The following HPF1 variants were observed in gnomAD, a reference collection of about 807,000 sequenced individuals.
The protein encoded by HPF1 is UPF0609 protein C4orf27.
A neutral mutation model predicts 38.8 loss-of-function variants in HPF1; 35 were observed. The ratio of observed to expected loss-of-function variants is 0.90; its 90% CI spans 0.69 to 1.19. HPF1 has a LOEUF of 1.19. Ranked by LOEUF, HPF1 falls within the 50% of genes most tolerant of loss-of-function variation. The pLI is 0.00. For synonymous variants in HPF1, 115 were observed against 139.2 expected, an observed-to-expected ratio of 0.83 and a Z score of 1.22; for missense variants, 367 against 405.8, an observed-to-expected ratio of 0.90 and a Z score of 0.82.
intron 4 of HPF1, among the ~76,000 whole-genome samples, chr4:169,748,349 A>G (rs1734074534): frequency 6.6e-6 from 1 of 151,904 alleles, no homozygotes; most frequent in Non-Finnish European, 1.5e-5. Context: ...GAAATCTACA[A>G]TTATGGGCTT....
At chr4:169,742,455 C>A (rs1472559482) in intron 4 of HPF1, among the ~76,000 whole-genome samples, 1 of 151,920 alleles carries the variant, frequency 6.6e-6, no homozygotes, top group Non-Finnish European at 1.5e-5. Flanking sequence ...AGAAGTCTGA[C>A]CTAACAGAAA....
intron 1 of HPF1, among the ~76,000 whole-genome samples, chr4:169,754,944 G>A (rs35218368): frequency 0.029 from 4,368 of 151,892 alleles, 89 homozygotes; most frequent in South Asian, 0.044. Context: ...TATACTTTAA[G>A]TTTTAGGGTA....
chr4:169,745,530 C>T (rs1030489576), intron 4 of HPF1, among the ~76,000 whole-genome samples: 5 of 152,326 alleles, frequency 3.3e-5, no homozygotes, highest in Middle Eastern at 3.4e-3. Flanking sequence ...TCTCAAAATT[C>T]AATCATACAA....
At position 169,737,758 on chromosome 4, in the gene HPF1, G is replaced by A; in HGVS notation, c.649-11C>T. 1 of 1,563,778 alleles carries A rather than the reference G, an allele frequency of 6.4e-7. No individual in the cohort carries two copies. Among genetic ancestry groups the A allele is most frequent in the South Asian group, 1.1e-5 (1 of 89,564 alleles). On this transcript the variant is annotated splice_polypyrimidine_tract_variant and intron_variant, in intron 5 of 7. Transcript: ENST00000393381. ...GGTCTTTGTCACAACCTACATTAAA[G>A]AAAAGAATAAAATGTAATCATGGTA...
Position 169,753,758 on chromosome 4 carries a change from T to C in HPF1, c.126A>G (p.Glu42=), listed in dbSNP as rs553719189. 4 of 1,613,632 alleles carry C rather than the reference T, an allele frequency of 2.5e-6. No individual in the cohort carries two copies. The East Asian group carries it at 6.7e-5, about 27-fold the overall frequency. The change falls in exon 2 of 8, where the codon GAA becomes GAG. Residue 42 remains glutamate, a synonymous_variant. Transcript: ENST00000393381. The stretch of plus-strand genomic sequence containing the variant: ...CAGGTAAAGAAAGCTTATAATGATT[T>C]TCTACTTCTTTTCGAAGGTCACTGG... ...DVSSDLRKEV[E]NHYKLSLPED...
intron 6 of HPF1, among the ~76,000 whole-genome samples, chr4:169,736,215 C>T (rs1023893220): frequency 1.6e-4 from 24 of 151,652 alleles, no homozygotes; most frequent in African/African-American, 5.3e-4. Context: ...CCCGTCTCTA[C>T]AGGACAAAAA....
Position 169,737,687 on chromosome 4 carries a change from C to A in HPF1, c.709G>T (p.Gly237Trp). ...TCTGTTTCAGGGAGCTCTCGGTACC[C>A]AACATCATTTTTATCTACTGGAACA... Reference protein sequence around the residue: ...LVVPVDKNDVGYRELPETDAD... With the variant: ...LVVPVDKNDVWYRELPETDAD... The change falls in exon 6 of 8, where the codon GGG (glycine) becomes TGG (tryptophan). Residue 237 changes from glycine (G) to tryptophan (W), a missense_variant. By Grantham distance (184) the Gly-to-Trp change is radical. Coordinates refer to ENST00000393381, the MANE Select transcript of HPF1 (RefSeq NM_017867.3). 1 of 1,610,786 alleles carries A rather than the reference C, an allele frequency of 6.2e-7. No homozygotes were observed. Among genetic ancestry groups the A allele is most frequent in the Non-Finnish European group, 8.5e-7 (1 of 1,177,346 alleles).
rs1734009835 is a variant in HPF1, at chr4:169,743,690, G to A, written c.498-1583C>T. On this transcript the variant is annotated intron_variant, in intron 4 of 7. Transcript: ENST00000393381. The stretch of plus-strand genomic sequence containing the variant: ...TTTTGCCATCAATATAAAAGGTCAG[G>A]AGTAAAATGAAGAGCGGCAAGAGTG... Among the ~76,000 whole-genome samples the A allele has an allele frequency of 2.6e-5, 4 of 152,144 alleles. No individual in the cohort carries two copies. In the South Asian group the frequency reaches 6.2e-4, roughly 24 times the overall value.
At position 169,749,801 on chromosome 4, in the gene HPF1, A is replaced by G. The variant is rs561868133; in HGVS notation, c.398+735T>C. ...AGGATCCTATTCACGTATATAACCAAACCTTTTATTTTAAAATTGAGGAAA... is the reference window on the plus strand; with the variant it reads ...AGGATCCTATTCACGTATATAACCAGACCTTTTATTTTAAAATTGAGGAAA... On this transcript the variant is annotated intron_variant, in intron 3 of 7. Coordinates refer to ENST00000393381, the MANE Select transcript of HPF1 (RefSeq NM_017867.3). Among the ~76,000 whole-genome samples the G allele has an allele frequency of 4.6e-5, 7 of 152,198 alleles. No individual in the cohort carries two copies. In the South Asian group the frequency reaches 1.5e-3, roughly 32 times the overall value.
chr4:169,753,254 G>A (rs796878396), intron 2 of HPF1, among the ~76,000 whole-genome samples: 5 of 151,960 alleles, frequency 3.3e-5, no homozygotes, highest in African/African-American at 7.2e-5. Context: ...GACGGGTCTC[G>A]AATTCCTGAC....
chr4:169,736,506 C>G (rs1321336442), intron 6 of HPF1, among the ~76,000 whole-genome samples: 2 of 151,454 alleles, frequency 1.3e-5, no homozygotes, highest in Non-Finnish European at 2.9e-5. Context: ...GGCAGGGGTA[C>G]AGCAAAAACA....
intron 6 of HPF1, among the ~76,000 whole-genome samples, chr4:169,735,320 G>A (rs772466198): frequency 4.6e-5 from 7 of 152,056 alleles, no homozygotes; most frequent in South Asian, 2.1e-4. Flanking sequence ...TCAATAAAAC[G>A]TATCTTATTT....
intron 6 of HPF1, 91 bp from the exon 7 acceptor site, chr4:169,731,967 CT>C: frequency 9.4e-7 from 1 of 1,063,970 alleles, no homozygotes; most frequent in Non-Finnish European, 1.4e-6. Flanking sequence ...AGGGTTTTTC[CT>C]CCTAAGACTT....
intron 7 of HPF1, among the ~76,000 whole-genome samples, chr4:169,730,303 C>T (rs1179036602): frequency 2.6e-5 from 4 of 152,234 alleles, no homozygotes; most frequent in Admixed American, 1.3e-4. Flanking sequence ...TTTTATAACT[C>T]ATACATGTTA....
intron 4 of HPF1, among the ~76,000 whole-genome samples, chr4:169,745,357 G>A (rs1386512366): frequency 6.6e-6 from 1 of 152,200 alleles, no homozygotes; most frequent in Admixed American, 6.5e-5. Context: ...CAGGTAGGCA[G>A]GGTCAAAGCA....
chr4:169,734,398 A>G (rs1478626979), intron 6 of HPF1, among the ~76,000 whole-genome samples: 1 of 152,176 alleles, frequency 6.6e-6, no homozygotes, highest in East Asian at 1.9e-4. Flanking sequence ...TTTAAAGTTT[A>G]TCGCTTTCCA....
chr4:169,740,455 A>G (rs752291729), intron 5 of HPF1, among the ~76,000 whole-genome samples: 13 of 152,226 alleles, frequency 8.5e-5, no homozygotes, highest in Non-Finnish European at 1.5e-4. Context: ...ACAGTGCTCT[A>G]TCATACTAGA....
chr4:169,754,395 A>C (rs1734158883), intron 1 of HPF1, among the ~76,000 whole-genome samples: 2 of 152,190 alleles, frequency 1.3e-5, no homozygotes, highest in African/African-American at 4.8e-5. Context: ...AGTTCCTAAT[A>C]AAGTTAGCAG....
intron 5 of HPF1, 66 bp from the exon 6 acceptor site, chr4:169,737,813 T>A: frequency 8.2e-6 from 8 of 979,522 alleles, no homozygotes; most frequent in South Asian, 1.4e-5. Context: ...AATCCCCAAA[T>A]ACATAAACCC....
Sources: allele counts gnomAD v4.1 joint callset (sites outside exome capture counted in the v4.1 genomes callset), GRCh38; gene constraint gnomAD v4.1.1; transcripts MANE v1.5; gene names NCBI Gene and HGNC (gene_info 2026-07-23, HGNC 2026-07-21).